NUP155: variants seen among roughly 807,000 people sequenced by gnomAD.
NUP155 encodes nuclear pore complex protein Nup155.
Under a neutral mutation model 180.4 loss-of-function variants are expected in NUP155, and 71 were observed. That is an observed-to-expected ratio of 0.39 (90% CI 0.33 to 0.48). The LOEUF (loss-of-function observed/expected upper bound fraction) is 0.48. Ranked by LOEUF, NUP155 falls within the 20% of genes least tolerant of loss-of-function variation. The pLI is 0.91. For synonymous variants in NUP155, 582 were observed against 559.5 expected (o/e 1.04, Z -0.57); for missense variants, 1,553 against 1,648.9 (o/e 0.94, Z 1.01).
At chr5:37,367,689 C>T (rs1047945681) in intron 1 of NUP155, among the ~76,000 whole-genome samples, 4 of 151,938 alleles carry the variant, frequency 2.6e-5, no homozygotes, top group East Asian at 3.9e-4. Flanking sequence ...CCCGCCACCA[C>T]GCCCGGCTAA....
chr5:37,325,946 T>C lies in NUP155; in HGVS notation c.2046A>G (p.Leu682=). 6.2e-7 allele frequency: 1 copy of C among 1,610,010 alleles called. No individual in the cohort carries two copies. ...CACTCTTGAATATTCTCTCCACAAC[T>C]AAGCTTGCATCCCAAATGTTTCTGG... ...RIMGNIWDAS[L]VVERIFKSGN... Residue 682 remains leucine (L), a synonymous_variant, in exon 19 of 35, where the codon TTA becomes TTG. Transcript: ENST00000231498.
At chr5:37,335,017 G>A (rs1455542261) in intron 12 of NUP155, among the ~76,000 whole-genome samples, 1 of 152,042 alleles carries the variant, frequency 6.6e-6, no homozygotes, top group African/African-American at 2.4e-5. Flanking sequence ...AATTAGCCGG[G>A]TGTGGTGGCA....
chr5:37,327,177 G>T (rs1464189011), intron 18 of NUP155: 5 of 184,484 alleles, frequency 2.7e-5, no homozygotes, highest in Admixed American at 2.2e-4. Context: ...AGGTTTTCTG[G>T]TTTTTACGAG....
chr5:37,367,595 C>T (rs1214175443), intron 1 of NUP155, among the ~76,000 whole-genome samples: 6 of 151,184 alleles, frequency 4.0e-5, no homozygotes, highest in Non-Finnish European at 7.4e-5. Context: ...TGCAGTGGCG[C>T]GATCTCGGCT....
intron 1 of NUP155, among the ~76,000 whole-genome samples, chr5:37,366,896 C>A (rs536964007): frequency 2.5e-4 from 38 of 152,048 alleles, no homozygotes; most frequent in Admixed American, 1.1e-3. Context: ...GTGATCTGCC[C>A]GCTTCGGCCT....
chr5:37,337,148 A>C (rs1745384225), intron 12 of NUP155, among the ~76,000 whole-genome samples: 1 of 152,124 alleles, frequency 6.6e-6, no homozygotes, highest in South Asian at 2.1e-4. Context: ...AGCTGGGGGC[A>C]GGGGCAGTTC....
intron 32 of NUP155, among the ~76,000 whole-genome samples, chr5:37,294,868 T>C (rs1742438237): frequency 6.6e-6 from 1 of 152,162 alleles, no homozygotes; most frequent in Non-Finnish European, 1.5e-5. Context: ...TGACAACTAA[T>C]GAGCACAGAG....
intron 20 of NUP155, among the ~76,000 whole-genome samples, chr5:37,319,847 G>A (rs1184703178): frequency 6.6e-6 from 1 of 151,962 alleles, no homozygotes; most frequent in Non-Finnish European, 1.5e-5. Context: ...CTCCGGCCTG[G>A]GCAACAGAGT....
At position 37,291,944 on chromosome 5, in the gene NUP155, C is replaced by T. The variant is rs760224496; in HGVS notation, c.4132G>A (p.Gly1378Arg). 4 of 1,613,930 alleles carry T rather than the reference C, an allele frequency of 2.5e-6. No individual in the cohort carries two copies. The highest frequency in any genetic ancestry group is 2.7e-5 in the African/African-American group (2 of 74,914). ...SSSVAVQAIT[G>R]NFKSLQAKLE... ...TTAGCTTGAAGAGATTTAAAATTCCCAGTGATGGCTTGTACTGCTACTGAC... is the reference window on the plus strand; with the variant it reads ...TTAGCTTGAAGAGATTTAAAATTCCTAGTGATGGCTTGTACTGCTACTGAC... The change falls in exon 35 of 35, where the codon GGG (glycine) becomes AGG (arginine). Residue 1378 changes from glycine (G) to arginine (R), a missense_variant. Transcript: ENST00000231498.
chr5:37,358,643 A>G (rs949233702), intron 3 of NUP155, among the ~76,000 whole-genome samples: 2 of 152,134 alleles, frequency 1.3e-5, no homozygotes, highest in African/African-American at 4.8e-5. Flanking sequence ...TTTTGTAGAG[A>G]CAAGGTTTGG....
rs768083835 is a variant in NUP155, at chr5:37,307,458, C to T, written c.2768-26G>A. 3.7e-6 allele frequency: 6 copies of T among 1,612,248 alleles called. No homozygotes were observed. The Admixed American group carries it at 1.0e-4, about 27-fold the overall frequency. ...CTGATGGGAAAGAAAAGAATGAAGA[C>T]CTATGACTTACTACTAAGTTGGATA... On this transcript the variant is annotated intron_variant, in intron 24 of 34. Coordinates refer to ENST00000231498, the MANE Select transcript of NUP155 (RefSeq NM_153485.3).
At chr5:37,311,763 T>TA (rs1743543081) in intron 22 of NUP155, among the ~76,000 whole-genome samples, 2 of 151,328 alleles carry the variant, frequency 1.3e-5, no homozygotes, top group Non-Finnish European at 2.9e-5. Context: ...CTCATGCCTG[T>TA]AATCCCAGCA....
At chr5:37,310,382 C>T (rs967839334) in intron 23 of NUP155, among the ~76,000 whole-genome samples, 170 bp downstream of exon 23, 9 of 152,034 alleles carry the variant, frequency 5.9e-5, no homozygotes, top group African/African-American at 2.2e-4. Context: ...AGAGTATACA[C>T]TGGTTTTAAG....
intron 12 of NUP155, among the ~76,000 whole-genome samples, chr5:37,334,044 G>A (rs10941324): frequency 0.1 from 15,405 of 151,128 alleles, 857 homozygotes; most frequent in Admixed American, 0.15. Flanking sequence ...CAGGTGATCC[G>A]CCCACCTCGG....
At chr5:37,329,161 A>T (rs748178586) in intron 16 of NUP155, 29 bp downstream of exon 16, 1 of 1,526,922 alleles carries the variant, frequency 6.5e-7, no homozygotes, top group Admixed American at 1.7e-5. Flanking sequence ...ACGATTAGAA[A>T]CAATTTCATT....
intron 33 of NUP155, among the ~76,000 whole-genome samples, chr5:37,293,623 G>A (rs1175368315): frequency 6.6e-6 from 1 of 152,208 alleles, no homozygotes; most frequent in Non-Finnish European, 1.5e-5. Context: ...AGGTTCAGCA[G>A]GGTGAGAAGG....
At chr5:37,365,738 A>AAAAAAAAAAT (rs1561818758) in intron 1 of NUP155, among the ~76,000 whole-genome samples, 2 of 37,132 alleles carry the variant, frequency 5.4e-5, no homozygotes, top group Non-Finnish European at 4.6e-5. Flanking sequence ...AAAAAAAAAA[A>AAAAAAAAAAT]ATATATATAT....
chr5:37,301,155 T>C (rs1379802753), intron 30 of NUP155: 2 of 358,628 alleles, frequency 5.6e-6, no homozygotes, highest in African/African-American at 4.2e-5. Flanking sequence ...GATGAGGTTT[T>C]GCCATGTTGC....
At chr5:37,355,489 GAC>G (rs1461704992) in intron 4 of NUP155, among the ~76,000 whole-genome samples, 2 of 151,608 alleles carry the variant, frequency 1.3e-5, no homozygotes, top group Non-Finnish European at 2.9e-5. Flanking sequence ...CAGCCTGGGT[GAC>G]AGTGAGACAC....
Sources: gnomAD v4.1 joint callset for allele counts (sites outside exome capture counted in the v4.1 genomes callset) on GRCh38, gnomAD v4.1.1 for gene constraint, MANE v1.5 for transcripts, NCBI Gene and HGNC (gene_info 2026-07-23, HGNC 2026-07-21) for gene names.